ZNF451: variants seen among roughly 807,000 people sequenced by gnomAD.
ZNF451 encodes the protein zinc finger protein 451, also known as E3 SUMO-protein ligase ZNF451.
In ZNF451, 80 loss-of-function variants were observed where a neutral mutation model predicts 107.1. The ratio of observed to expected loss-of-function variants is 0.75; its 90% confidence interval spans 0.62 to 0.90. The LOEUF is 0.90. Among genes scored for constraint, ZNF451 ranks in the 40% least tolerant of loss-of-function variants. ZNF451 has a pLI of 0.00. For missense variants in ZNF451, 1,107 were observed against 1,236.2 expected (o/e 0.90, Z 1.57); for synonymous variants, 362 against 406.5 (o/e 0.89, Z 1.32).
At chr6:57,159,320 G>A (rs1194248014) in intron 13 of ZNF451, 2 of 985,212 alleles carry the variant, frequency 2.0e-6, no homozygotes, top group East Asian at 2.3e-4. Flanking sequence ...ATGCAATGAT[G>A]AATTGTTTGG....
intron 3 of ZNF451, among the ~76,000 whole-genome samples, chr6:57,111,403 C>T (rs1165484681): frequency 5.4e-5 from 8 of 148,112 alleles, no homozygotes; most frequent in Middle Eastern, 3.3e-3. Context: ...TTTCTTGAGA[C>T]GGAGTCTCAC....
At chr6:57,119,855 C>CTT (rs370426779) in intron 3 of ZNF451, among the ~76,000 whole-genome samples, 1 of 143,178 alleles carries the variant, frequency 7.0e-6, no homozygotes. Context: ...ATTGTCATTA[C>CTT]TTTTTTTTTT....
intron 13 of ZNF451, chr6:57,159,458 T>G: frequency 3.4e-6 from 3 of 892,500 alleles, no homozygotes; most frequent in Non-Finnish European, 4.0e-6. Context: ...ACGGGCCACA[T>G]GTGGCCCAGT....
In ZNF451 at chr6:57,124,716, A is replaced by C. The variant is rs759906334; in HGVS notation, c.187-18A>C. Reference sequence around the variant, plus strand: ...GCTAATTTTGTTAAAAGGAATGAAAATTTTTTTCATGTTATAGGAGAATAT... The same window carrying C: ...GCTAATTTTGTTAAAAGGAATGAAACTTTTTTTCATGTTATAGGAGAATAT... On this transcript the variant is annotated intron_variant, in intron 3 of 14. Transcript: ENST00000370706. 1 of 1,533,532 alleles carries C rather than the reference A, an allele frequency of 6.5e-7. No homozygotes were observed. The highest frequency in any genetic ancestry group is 9.0e-7 in the Non-Finnish European group (1 of 1,114,040). The allele number at this position is 1,533,532 out of a possible 1,614,324, so 95.0% of individuals were successfully genotyped here.
Position 57,168,692 on chromosome 6 carries a change from AT to A in ZNF451, c.*224del. 4.1e-6 allele frequency: 2 copies of A among 483,040 alleles called. No homozygotes were observed. The highest frequency in any genetic ancestry group is 7.8e-5 in the East Asian group (2 of 25,590). The allele number at this position is 483,040 out of a possible 1,614,324, so 29.9% of individuals were successfully genotyped here. ...ATACATGTTCATGCAAATATAAATTATGTATTCTAATATAGGTGTAACAGTT... is the reference window on the plus strand; with the variant it reads ...ATACATGTTCATGCAAATATAAATTAGTATTCTAATATAGGTGTAACAGTT... On this transcript the variant is annotated 3_prime_UTR_variant, in exon 15 of 15. Coordinates refer to ENST00000370706, the MANE Select transcript of ZNF451 (RefSeq NM_001031623.3).
chr6:57,159,544 T>G (rs1763576734), intron 13 of ZNF451: 1 of 267,222 alleles, frequency 3.7e-6, no homozygotes, highest in African/African-American at 2.7e-5. Flanking sequence ...TTTTTTTTTT[T>G]GCGTTTTCTT....
chr6:57,130,364 T>G (rs373566665), intron 5 of ZNF451, among the ~76,000 whole-genome samples: 5 of 152,184 alleles, frequency 3.3e-5, no homozygotes, highest in African/African-American at 7.2e-5. Context: ...TCCCTCTTCA[T>G]GTACATTCTT....
intron 3 of ZNF451, chr6:57,100,914 T>A: frequency 6.4e-7 from 1 of 1,550,850 alleles, no homozygotes; most frequent in Non-Finnish European, 8.7e-7. Context: ...TCAAAGAGAA[T>A]TTACGTATAG....
chr6:57,101,597 A>G (rs1418681544), intron 3 of ZNF451: 7 of 1,550,752 alleles, frequency 4.5e-6, no homozygotes, highest in Non-Finnish European at 4.4e-6. Flanking sequence ...TACATGGCCT[A>G]TATGACTCAA....
In ZNF451 at chr6:57,170,105, G is replaced by A. The variant is rs1764067418; in HGVS notation, c.*1636G>A. 1 of 152,310 alleles carries A rather than the reference G, an allele frequency of 6.6e-6. No homozygotes were observed. Among genetic ancestry groups the A allele is most frequent in the Admixed American group, 6.5e-5 (1 of 15,308 alleles). The allele number at this position is 152,310 out of a possible 1,614,324, so 9.4% of individuals were successfully genotyped here. On this transcript the variant is annotated 3_prime_UTR_variant, in exon 15 of 15. Coordinates refer to ENST00000370706, the MANE Select transcript of ZNF451 (RefSeq NM_001031623.3). ...AGGAAAGGGATATTTCATCATGACT[G>A]TTAAGAAAAGGTAACTGGGTTGTTT...
chr6:57,095,497 T>A (rs1247631579), intron 2 of ZNF451, among the ~76,000 whole-genome samples: 6 of 151,974 alleles, frequency 3.9e-5, no homozygotes, highest in Non-Finnish European at 8.8e-5. Flanking sequence ...TGTACCCAGC[T>A]AATTTATTTT....
chr6:57,141,580 A>AT (rs1192069883), intron 8 of ZNF451, 125 bp downstream of exon 8: 1 of 877,368 alleles, frequency 1.1e-6, no homozygotes, highest in Non-Finnish European at 1.6e-6. Context: ...AAAGTAAAAG[A>AT]TTATCTCAAT....
At chr6:57,102,070 C>T in intron 3 of ZNF451, 2 of 1,523,534 alleles carry the variant, frequency 1.3e-6, no homozygotes, top group Non-Finnish European at 8.8e-7. Flanking sequence ...GGGAGACTCT[C>T]CAGAACGCCA....
intron 5 of ZNF451, among the ~76,000 whole-genome samples, chr6:57,132,816 A>C (rs1831245887): frequency 1.3e-5 from 2 of 152,168 alleles, no homozygotes; most frequent in Admixed American, 1.3e-4. Flanking sequence ...CATCTCAAAA[A>C]AAAAAGAGAA....
chr6:57,158,647 C>T (rs866583701), intron 13 of ZNF451: 31 of 985,248 alleles, frequency 3.1e-5, no homozygotes, highest in Non-Finnish European at 3.7e-5. Context: ...TTCACTTAAT[C>T]GATATAAATG....
chr6:57,105,541 TTTG>T, intron 3 of ZNF451: 1 of 985,430 alleles, frequency 1.0e-6, no homozygotes, highest in Non-Finnish European at 1.2e-6. Context: ...TGAATGTTAA[TTTG>T]TTTTCTTTAT....
intron 3 of ZNF451, chr6:57,104,613 GAAAA>G (rs915072455): frequency 2.1e-5 from 21 of 980,366 alleles, no homozygotes; most frequent in South Asian, 1.4e-4. Context: ...TAAAAAAAAA[GAAAA>G]AAAAAGGCAC....
At chr6:57,095,814 T>TTTG (rs936673400) in intron 2 of ZNF451, among the ~76,000 whole-genome samples, 82 of 148,142 alleles carry the variant, frequency 5.5e-4, no homozygotes, top group Admixed American at 1.3e-3. Context: ...GCTTTTTTTT[T>TTTG]TTGTTGTTGT....
chr6:57,120,265 T>G (rs912385018), intron 3 of ZNF451, among the ~76,000 whole-genome samples: 1 of 152,224 alleles, frequency 6.6e-6, no homozygotes, highest in African/African-American at 2.4e-5. Context: ...TCAATTCTTT[T>G]TAGCATTGAA....
Sources: gnomAD v4.1 joint callset for allele counts (sites outside exome capture counted in the v4.1 genomes callset) on GRCh38, gnomAD v4.1.1 for gene constraint, MANE v1.5 for transcripts, NCBI Gene and HGNC (gene_info 2026-07-23, HGNC 2026-07-21) for gene names.